Variants in ZNF675 observed in about 807,000 individuals in gnomAD.
The protein encoded by ZNF675 is zinc finger protein 675.
Under a neutral mutation model 56.1 loss-of-function variants are expected in ZNF675, and 36 were observed. That is an observed-to-expected ratio of 0.64 (90% CI 0.49 to 0.85). ZNF675 has a LOEUF of 0.85. Ranked by LOEUF, ZNF675 falls within the 40% of genes least tolerant of loss-of-function variation. The pLI is 0.00. For synonymous variants in ZNF675, 200 were observed against 218.9 expected, an observed-to-expected ratio of 0.91 and a Z score of 0.76; for missense variants, 663 against 654.2, an observed-to-expected ratio of 1.01 and a Z score of -0.15.
chr19:23,679,311 G>T (rs2144796698), intron 1 of ZNF675, among the ~76,000 whole-genome samples: 1 of 151,598 alleles, frequency 6.6e-6, no homozygotes, highest in African/African-American at 2.4e-5. Context: ...TTAATAAATG[G>T]TGCAGTAATA....
At chr19:23,661,419 A>G (rs1029926364) in intron 3 of ZNF675, among the ~76,000 whole-genome samples, 37 of 151,374 alleles carry the variant, frequency 2.4e-4, no homozygotes, top group African/African-American at 7.5e-4. Context: ...GGCGGGGAAT[A>G]GTGGCTCACA....
At chr19:23,667,997 T>C (rs1288256861) in intron 1 of ZNF675, among the ~76,000 whole-genome samples, 3 of 151,200 alleles carry the variant, frequency 2.0e-5, no homozygotes, top group Non-Finnish European at 4.4e-5. Flanking sequence ...GAGTGTCGAC[T>C]GGTGCACTCA....
Position 23,654,087 on chromosome 19 carries a change from T to C in ZNF675, c.846A>G (p.Lys282=), listed in dbSNP as rs1967948033. The C allele has an allele frequency of 1.2e-6, 2 of 1,613,742 alleles. No homozygotes were observed. The highest frequency in any genetic ancestry group is 1.3e-5 in the African/African-American group (1 of 74,932). Residue 282 remains lysine, a synonymous_variant, in exon 4 of 4, where the codon AAA becomes AAG. Transcript: ENST00000359788. ...TTHKIIHTGE[K]PYKCEECGKA... ...TGCCACATTCTTCACATTTGTAGGG[T>C]TTCTCTCCTGTATGAATTATCTTAT...
intron 3 of ZNF675, among the ~76,000 whole-genome samples, chr19:23,657,591 C>A (rs1968005041): frequency 6.6e-6 from 1 of 152,148 alleles, no homozygotes; most frequent in South Asian, 2.1e-4. Context: ...GTGGCGCATG[C>A]CTGTAATCCC....
intron 1 of ZNF675, among the ~76,000 whole-genome samples, chr19:23,675,343 C>T (rs540786522): frequency 6.6e-6 from 1 of 151,858 alleles, no homozygotes; most frequent in African/African-American, 2.4e-5. Flanking sequence ...AAACTCAACA[C>T]TTGACCAAAT....
In ZNF675 at chr19:23,654,405, T is replaced by C; in HGVS notation, c.528A>G (p.Glu176=). ...HMENKPFKCK[E]CGRSFCMLSH... Reference sequence around the variant, plus strand: ...AAAGCATGCAAAATGATCTGCCACATTCTTTACATTTGAAAGGTTTATTTT... The same window carrying C: ...AAAGCATGCAAAATGATCTGCCACACTCTTTACATTTGAAAGGTTTATTTT... Residue 176 remains glutamate (E), a synonymous_variant, in exon 4 of 4, where the codon GAA becomes GAG. Coordinates refer to ENST00000359788, the MANE Select transcript of ZNF675 (RefSeq NM_138330.3). The C allele has an allele frequency of 6.2e-7, 1 of 1,611,044 alleles. No individual in the cohort carries two copies. Among genetic ancestry groups the C allele is most frequent in the Non-Finnish European group, 8.5e-7 (1 of 1,178,156 alleles).
In ZNF675 at chr19:23,652,982, C is replaced by G. The variant is rs576923954; in HGVS notation, c.*244G>C. 4 of 346,724 alleles carry G rather than the reference C, an allele frequency of 1.2e-5. No homozygotes were observed. The South Asian group carries it at 2.8e-4, about 25-fold the overall frequency. The allele number at this position is 346,724 out of a possible 1,614,324, so 21.5% of individuals were successfully genotyped here. On this transcript the variant is annotated 3_prime_UTR_variant, in exon 4 of 4. Transcript: ENST00000359788. ...AACAGATATTAATGGCTATTTTACA[C>G]TCTTTATATTTGTACAATTTTTCTT... is the stretch of plus-strand genomic sequence containing the variant.
chr19:23,660,807 T>A (rs1285167011), intron 3 of ZNF675, among the ~76,000 whole-genome samples: 1 of 152,212 alleles, frequency 6.6e-6, no homozygotes, highest in Non-Finnish European at 1.5e-5. Flanking sequence ...TCCAGTGGCA[T>A]TTGTTTTTCA....
At chr19:23,666,566 C>T (rs976081408) in intron 1 of ZNF675, among the ~76,000 whole-genome samples, 3 of 152,118 alleles carry the variant, frequency 2.0e-5, no homozygotes, top group Non-Finnish European at 4.4e-5. Context: ...TCAATAAACC[C>T]GTTTTGTTCC....
intron 1 of ZNF675, among the ~76,000 whole-genome samples, chr19:23,669,198 A>G (rs913917580): frequency 6.6e-6 from 1 of 152,222 alleles, no homozygotes; most frequent in African/African-American, 2.4e-5. Context: ...TCTGAAGGCC[A>G]ATGAGCAAAC....
chr19:23,662,167 T>C lies in ZNF675; in HGVS notation c.173A>G (p.Gln58Arg). ...SKQDLITCLE[Q>R]EKEPLTVKRH... Reference sequence around the variant, plus strand: ...CTTCACAGTCAAAGGCTCTTTTTCTTGCTCCAGACAGGTGATCAGGTCTTG... The same window carrying C: ...CTTCACAGTCAAAGGCTCTTTTTCTCGCTCCAGACAGGTGATCAGGTCTTG... Residue 58 changes from glutamine (Q) to arginine (R), a missense_variant, in exon 3 of 4, where the codon CAA becomes CGA. Gln to Arg is a conservative substitution (Grantham distance 43). Around this residue, in one of 3 missense-constraint regions of ZNF675, gnomAD observed 617 missense variants for 590.5 expected, o/e 1.04. Coordinates refer to ENST00000359788, the MANE Select transcript of ZNF675 (RefSeq NM_138330.3). 1 of 1,613,504 alleles carries C rather than the reference T, an allele frequency of 6.2e-7. No homozygotes were observed. The highest frequency in any genetic ancestry group is 1.3e-5 in the African/African-American group (1 of 75,008).
chr19:23,684,057 C>T (rs2364622), intron 1 of ZNF675, among the ~76,000 whole-genome samples: 46,361 of 150,674 alleles, frequency 0.31, 7,675 homozygotes, highest in East Asian at 0.55. Flanking sequence ...GTCAGGAGAT[C>T]AAGACCATCC....
intron 1 of ZNF675, among the ~76,000 whole-genome samples, chr19:23,670,452 A>G (rs1369984308): frequency 6.8e-6 from 1 of 147,418 alleles, no homozygotes; most frequent in Non-Finnish European, 1.5e-5. Flanking sequence ...CCCCCAAAGG[A>G]AAGTTCTAAG....
chr19:23,662,676 GTATAT>G (rs1291731114), intron 2 of ZNF675, among the ~76,000 whole-genome samples: 1 of 152,104 alleles, frequency 6.6e-6, no homozygotes, highest in Non-Finnish European at 1.5e-5. Context: ...AACCTTTACG[GTATAT>G]TAGAAACTGT....
At chr19:23,679,927 T>C (rs1222534653) in intron 1 of ZNF675, among the ~76,000 whole-genome samples, 1 of 149,872 alleles carries the variant, frequency 6.7e-6, no homozygotes, top group Non-Finnish European at 1.5e-5. Flanking sequence ...GAGGCAGAGG[T>C]TGTGGTGAGC....
rs576501130 is a variant in ZNF675, at chr19:23,681,126, G to T, written c.3+5905C>A. ...TATTTTTGTGCCCATGAAGGCAGAA[G>T]AGATTATGAACAGTTGGTCAAAACC... On this transcript the variant is annotated intron_variant, in intron 1 of 3. Transcript: ENST00000359788. Among the ~76,000 whole-genome samples, 5 of 151,966 alleles carry T rather than the reference G, an allele frequency of 3.3e-5. No individual in the cohort carries two copies. The East Asian group carries it at 9.6e-4, about 29-fold the overall frequency.
intron 3 of ZNF675, chr19:23,655,645 C>A (rs1307098360): frequency 2.0e-5 from 3 of 152,088 alleles, no homozygotes; most frequent in African/African-American, 7.2e-5. Flanking sequence ...CCCAAATCAA[C>A]AATGATGATT....
intron 1 of ZNF675, among the ~76,000 whole-genome samples, chr19:23,671,064 T>C (rs1968221019): frequency 6.6e-6 from 1 of 152,090 alleles, no homozygotes; most frequent in African/African-American, 2.4e-5. Flanking sequence ...TATGATAAAG[T>C]ACAGAAGGTT....
At chr19:23,683,554 T>G (rs375415837) in intron 1 of ZNF675, among the ~76,000 whole-genome samples, 4 of 152,128 alleles carry the variant, frequency 2.6e-5, no homozygotes, top group African/African-American at 9.7e-5. Flanking sequence ...CCCAAGTAGC[T>G]GGGACTACAG....
Sources: gnomAD v4.1 joint callset for allele counts (sites outside exome capture counted in the v4.1 genomes callset) on GRCh38, gnomAD v4.1.1 for gene constraint, gnomAD v4.1.1 regional missense constraint, MANE v1.5 for transcripts, NCBI Gene and HGNC (gene_info 2026-07-23, HGNC 2026-07-21) for gene names.